Variants in MAP3K20 observed in about 807,000 individuals in gnomAD.
The protein encoded by MAP3K20 is HCCS-4.
MAP3K20 carries 40 observed loss-of-function variants against 85.7 expected under a neutral mutation model. That is an observed-to-expected ratio of 0.47 (90% CI 0.36 to 0.61). The LOEUF is 0.61. Among genes scored for constraint, MAP3K20 ranks in the 20% least tolerant of loss-of-function variants. The pLI is 0.00. For missense variants in MAP3K20, 817 were observed against 961.7 expected (o/e 0.85, Z 1.99); for synonymous variants, 325 against 327.7 (o/e 0.99, Z 0.09).
At chr2:173,239,267 G>C (rs116381687) in intron 15 of MAP3K20, 137 bp from the exon 16 acceptor site, 1 of 649,098 alleles carries the variant, frequency 1.5e-6, no homozygotes, top group East Asian at 2.9e-5. Context: ...ATTAGAATTT[G>C]TAGCTTAATC....
At chr2:173,171,997 A>G (rs1405926613) in intron 3 of MAP3K20, among the ~76,000 whole-genome samples, 1 of 152,214 alleles carries the variant, frequency 6.6e-6, no homozygotes, top group Non-Finnish European at 1.5e-5. Flanking sequence ...TGTTAGTTTT[A>G]ATTAACTAAG....
At chr2:173,111,517 G>A (rs1372470152) in intron 2 of MAP3K20, among the ~76,000 whole-genome samples, 2 of 152,120 alleles carry the variant, frequency 1.3e-5, no homozygotes, top group Admixed American at 6.6e-5. Context: ...GTCTAGAAGG[G>A]TTTTTCCAAT....
At chr2:173,108,059 A>T (rs1307938039) in intron 2 of MAP3K20, among the ~76,000 whole-genome samples, 3 of 152,164 alleles carry the variant, frequency 2.0e-5, no homozygotes, top group African/African-American at 7.2e-5. Flanking sequence ...CATCCTTTTT[A>T]AAAAAATTTT....
At chr2:173,149,653 C>A (rs527987865) in intron 2 of MAP3K20, among the ~76,000 whole-genome samples, 3 of 152,194 alleles carry the variant, frequency 2.0e-5, no homozygotes, top group East Asian at 3.9e-4. Context: ...AACTGGAGTC[C>A]TTGCATTCTT....
chr2:173,098,903 C>T (rs1687543604), intron 2 of MAP3K20, among the ~76,000 whole-genome samples: 1 of 152,192 alleles, frequency 6.6e-6, no homozygotes, highest in Non-Finnish European at 1.5e-5. Flanking sequence ...TCACCCCACA[C>T]CAAATGAGTC....
intron 2 of MAP3K20, among the ~76,000 whole-genome samples, chr2:173,094,532 A>G (rs1259088475): frequency 6.6e-6 from 1 of 152,232 alleles, no homozygotes; most frequent in Non-Finnish European, 1.5e-5. Flanking sequence ...TATATTGCAT[A>G]TAATCGACAT....
intron 2 of MAP3K20, among the ~76,000 whole-genome samples, chr2:173,093,665 A>G (rs2106151075): frequency 6.6e-6 from 1 of 152,314 alleles, no homozygotes; most frequent in African/African-American, 2.4e-5. Context: ...ACTATAAATC[A>G]TGCTGCTATA....
intron 11 of MAP3K20, chr2:173,225,117 A>G (rs1203828076): frequency 1.1e-6 from 1 of 887,538 alleles, no homozygotes; most frequent in Non-Finnish European, 1.3e-6. Flanking sequence ...GTTATCTTGT[A>G]GAATTTGATG....
chr2:173,120,810 C>G (rs950414239), intron 2 of MAP3K20, among the ~76,000 whole-genome samples: 1 of 143,296 alleles, frequency 7.0e-6, no homozygotes, highest in African/African-American at 2.6e-5. Context: ...CGGGTTCAAG[C>G]AATTCCCCTG....
chr2:173,154,643 T>A (rs906081876), intron 2 of MAP3K20, among the ~76,000 whole-genome samples: 3 of 152,232 alleles, frequency 2.0e-5, no homozygotes, highest in Non-Finnish European at 4.4e-5. Flanking sequence ...AAGCCCTTGA[T>A]AGCAGGAGTT....
chr2:173,260,899 A>C (rs1355416560), intron 17 of MAP3K20, among the ~76,000 whole-genome samples, 164 bp from the exon 18 acceptor site: 1 of 152,252 alleles, frequency 6.6e-6, no homozygotes, highest in Non-Finnish European at 1.5e-5. Flanking sequence ...TTCAAACATT[A>C]GCATGTTGTG....
At chr2:173,240,964 A>G (rs1364845839) in intron 16 of MAP3K20, among the ~76,000 whole-genome samples, 1 of 152,196 alleles carries the variant, frequency 6.6e-6, no homozygotes. Context: ...ATTTGCAACA[A>G]TATGGATGGA....
At chr2:173,210,354 CA>C (rs1259012395) in intron 10 of MAP3K20, 130 of 140,130 alleles carry the variant, frequency 9.3e-4, no homozygotes, top group Admixed American at 2.5e-3. Context: ...AACTCCATCT[CA>C]AAAAAAAAAA....
chr2:173,179,737 CACAA>C (rs886236996), intron 3 of MAP3K20, among the ~76,000 whole-genome samples: 1 of 142,026 alleles, frequency 7.0e-6, no homozygotes, highest in African/African-American at 2.5e-5. Flanking sequence ...CACACACACA[CACAA>C]AAGCTACTAA....
chr2:173,162,715 G>T (rs989232045), intron 2 of MAP3K20, among the ~76,000 whole-genome samples: 1 of 151,072 alleles, frequency 6.6e-6, no homozygotes. Context: ...AATTGGTGAG[G>T]ACCTTAGAGA....
In MAP3K20 at chr2:173,209,890, T is replaced by C. The variant is rs1683825590; in HGVS notation, c.851+55T>C. The C allele has an allele frequency of 2.1e-6, 3 of 1,437,158 alleles. No individual in the cohort carries two copies. The Admixed American group carries it at 5.0e-5, about 24-fold the overall frequency. 89.0% of individuals were successfully genotyped at this position (1,437,158 alleles called of 1,614,324 possible). A position where few individuals can be genotyped will look rare whatever the true frequency, so the allele number is the denominator to read the frequency against. On this transcript the variant is annotated intron_variant, in intron 10 of 19. Transcript: ENST00000375213. ...TCTGGCTTTCAAAGACCATCACTCG[T>C]CTCAATGAAGAAGTGAACCAGAGAT... is the stretch of plus-strand genomic sequence containing the variant.
At chr2:173,222,553 C>G (rs149304163) in intron 11 of MAP3K20, 1 of 985,626 alleles carries the variant, frequency 1.0e-6, no homozygotes, top group East Asian at 1.1e-4. Flanking sequence ...GTTCATGCCT[C>G]TCCTGTATTT....
chr2:173,140,271 A>G (rs1038849330), intron 2 of MAP3K20, among the ~76,000 whole-genome samples: 1 of 152,218 alleles, frequency 6.6e-6, no homozygotes, highest in Non-Finnish European at 1.5e-5. Flanking sequence ...CAGCCTCCCA[A>G]AGTGCTGGGA....
chr2:173,075,683 G>C, upstream of MAP3K20: 1 of 972,318 alleles, frequency 1.0e-6, no homozygotes, highest in Non-Finnish European at 1.2e-6. Flanking sequence ...GTGTCTGGGG[G>C]CCTCGGCGGG....
Sources: gnomAD v4.1 joint callset for allele counts (sites outside exome capture counted in the v4.1 genomes callset) on GRCh38, gnomAD v4.1.1 for gene constraint, MANE v1.5 for transcripts, NCBI Gene and HGNC (gene_info 2026-07-23, HGNC 2026-07-21) for gene names.